The following ENOPH1 variants were observed in gnomAD, a reference collection of about 807,000 sequenced individuals.
The protein encoded by ENOPH1 is enolase-phosphatase E1.
In ENOPH1, 14 loss-of-function variants were observed where a neutral mutation model predicts 31.1. The observed-to-expected ratio is 0.45, with a 90% CI of 0.30 to 0.70. The LOEUF (loss-of-function observed/expected upper bound fraction) is 0.70. Ranked by LOEUF, ENOPH1 falls within the 30% of genes least tolerant of loss-of-function variation. The pLI is 0.09. For missense variants in ENOPH1, 243 were observed against 321.5 expected (o/e 0.76, Z 1.87); for synonymous variants, 127 against 123.2 (o/e 1.03, Z -0.21).
At position 82,430,687 on chromosome 4, in the gene ENOPH1, C is replaced by T. The variant is rs1048200525; in HGVS notation, c.-143C>T. 11 of 679,260 alleles carry T rather than the reference C, an allele frequency of 1.6e-5. No individual in the cohort carries two copies. The highest frequency in any genetic ancestry group is 3.6e-5 in the African/African-American group (2 of 55,326). 42.1% of individuals were successfully genotyped at this position (679,260 alleles called of 1,614,324 possible). A position where few individuals can be genotyped will look rare whatever the true frequency, so the allele number is the denominator to read the frequency against. Reference sequence around the variant, plus strand: ...TGCAGAAGTGTCCTCTCCCCACGCGCGGCGGGCTGCACTTGGTCGCTGGCT... The same window carrying T: ...TGCAGAAGTGTCCTCTCCCCACGCGTGGCGGGCTGCACTTGGTCGCTGGCT... On this transcript the variant is annotated 5_prime_UTR_variant, in exon 1 of 6. Transcript: ENST00000273920.
intron 5 of ENOPH1, among the ~76,000 whole-genome samples, chr4:82,459,262 A>G (rs755950962): frequency 1.3e-5 from 2 of 152,048 alleles, no homozygotes; most frequent in Non-Finnish European, 2.9e-5. Flanking sequence ...TGATTAAACC[A>G]TAGGATTCCA....
At chr4:82,456,215 CTT>C (rs5859824) in intron 4 of ENOPH1, among the ~76,000 whole-genome samples, 2,823 of 138,912 alleles carry the variant, frequency 0.02, 77 homozygotes, top group African/African-American at 0.066. Context: ...CTTAAAATTA[CTT>C]TTTTTTTTTT....
chr4:82,441,413 G>A (rs1355279393), intron 1 of ENOPH1, among the ~76,000 whole-genome samples: 2 of 152,128 alleles, frequency 1.3e-5, no homozygotes, highest in Admixed American at 6.5e-5. Context: ...ACGAGGTCAG[G>A]AGATCGAGAC....
intron 5 of ENOPH1, among the ~76,000 whole-genome samples, chr4:82,459,655 A>G (rs77082566): frequency 0.058 from 8,762 of 152,114 alleles, 350 homozygotes; most frequent in African/African-American, 0.1. Context: ...GAGGAAGTGG[A>G]GGAAAGGTGT....
chr4:82,451,843 A>G (rs1177230054), intron 3 of ENOPH1, among the ~76,000 whole-genome samples: 2 of 151,622 alleles, frequency 1.3e-5, no homozygotes, highest in Admixed American at 1.3e-4. Flanking sequence ...GTGCAGTGGC[A>G]TGATCATGGC....
chr4:82,438,202 T>C (rs186552042), intron 1 of ENOPH1, among the ~76,000 whole-genome samples: 70 of 152,272 alleles, frequency 4.6e-4, no homozygotes, highest in African/African-American at 1.5e-3. Context: ...ATTATAAAAT[T>C]GCAGACAAAG....
intron 5 of ENOPH1, among the ~76,000 whole-genome samples, 178 bp downstream of exon 5, chr4:82,457,216 AAC>A (rs1722513320): frequency 6.6e-6 from 1 of 152,128 alleles, no homozygotes; most frequent in Non-Finnish European, 1.5e-5. Flanking sequence ...AAAAAAAAAA[AAC>A]ACAGCAGTGA....
At chr4:82,431,117 C>T (rs1721742047) in intron 1 of ENOPH1, among the ~76,000 whole-genome samples, 1 of 152,194 alleles carries the variant, frequency 6.6e-6, no homozygotes, top group Admixed American at 6.5e-5. Context: ...CCCTCCCCCG[C>T]CCTTGCGCTT....
Position 82,430,843 on chromosome 4 carries a change from C to T in ENOPH1, c.14C>T (p.Ser5Leu), listed in dbSNP as rs1721723771. 2 of 1,614,032 alleles carry T rather than the reference C, an allele frequency of 1.2e-6. No homozygotes were observed. The highest frequency in any genetic ancestry group is 1.1e-5 in the South Asian group (1 of 91,088). MVVL[S>L]VPAEVTVILL... ...TCCGGTAGGGAAATGGTCGTGCTTTCGGTCCCCGCCGAAGTCACCGTGATC... is the reference window on the plus strand; with the variant it reads ...TCCGGTAGGGAAATGGTCGTGCTTTTGGTCCCCGCCGAAGTCACCGTGATC... Residue 5 changes from serine to leucine, a missense_variant, in exon 1 of 6, where the codon TCG becomes TTG. Coordinates refer to ENST00000273920, the MANE Select transcript of ENOPH1 (RefSeq NM_021204.5).
chr4:82,436,877 C>T (rs1721918365), intron 1 of ENOPH1, among the ~76,000 whole-genome samples: 1 of 152,088 alleles, frequency 6.6e-6, no homozygotes, highest in African/African-American at 2.4e-5. Flanking sequence ...TCATCCTGCT[C>T]TCACACAGAA....
intron 5 of ENOPH1, 66 bp from the exon 6 acceptor site, chr4:82,459,915 T>C: frequency 6.3e-7 from 1 of 1,581,220 alleles, no homozygotes; most frequent in East Asian, 2.2e-5. Flanking sequence ...CTGCTGACTT[T>C]GCTGCAAATC....
intron 1 of ENOPH1, among the ~76,000 whole-genome samples, chr4:82,447,353 GTTTGT>G (rs141021015): frequency 0.016 from 2,426 of 152,226 alleles, 63 homozygotes; most frequent in African/African-American, 0.055. Context: ...TGGTGATCAA[GTTTGT>G]TTTGTTTTTT....
At chr4:82,442,406 G>A (rs111998641) in intron 1 of ENOPH1, among the ~76,000 whole-genome samples, 6 of 152,284 alleles carry the variant, frequency 3.9e-5, no homozygotes, top group African/African-American at 1.4e-4. Flanking sequence ...TGTAATCCCA[G>A]CTACTCAGGA....
At chr4:82,443,601 G>A (rs1199367753) in intron 1 of ENOPH1, among the ~76,000 whole-genome samples, 3 of 148,880 alleles carry the variant, frequency 2.0e-5, no homozygotes, top group Non-Finnish European at 3.0e-5. Flanking sequence ...GGTGGCGGGC[G>A]CCTGAAGTCC....
chr4:82,450,448 C>A (rs867217697), intron 2 of ENOPH1, among the ~76,000 whole-genome samples: 4 of 152,138 alleles, frequency 2.6e-5, no homozygotes, highest in Non-Finnish European at 5.9e-5. Flanking sequence ...GTTGTCAAAA[C>A]CTTGTTGAAA....
chr4:82,438,798 A>G (rs997045897), intron 1 of ENOPH1, among the ~76,000 whole-genome samples: 20 of 152,306 alleles, frequency 1.3e-4, no homozygotes, highest in African/African-American at 4.1e-4. Flanking sequence ...AAAAGTGCTT[A>G]CTTCTTCTTT....
intron 1 of ENOPH1, among the ~76,000 whole-genome samples, chr4:82,436,377 G>A (rs952266878): frequency 1.3e-5 from 2 of 152,082 alleles, no homozygotes; most frequent in Admixed American, 6.6e-5. Flanking sequence ...ACTGTCTTGC[G>A]TATATCAAGA....
intron 5 of ENOPH1, among the ~76,000 whole-genome samples, chr4:82,457,786 A>T (rs1239385562): frequency 6.6e-6 from 1 of 152,234 alleles, no homozygotes; most frequent in Non-Finnish European, 1.5e-5. Flanking sequence ...CCTTTGCTCT[A>T]TCTCAATATT....
chr4:82,451,567 C>G (rs1044260782), intron 3 of ENOPH1, among the ~76,000 whole-genome samples: 2 of 152,188 alleles, frequency 1.3e-5, no homozygotes, highest in Non-Finnish European at 2.9e-5. Flanking sequence ...TGAGTGACAG[C>G]TCCGTTGGGC....
Sources: allele counts gnomAD v4.1 joint callset (sites outside exome capture counted in the v4.1 genomes callset), GRCh38; gene constraint gnomAD v4.1.1; transcripts MANE v1.5; gene names NCBI Gene and HGNC (gene_info 2026-07-23, HGNC 2026-07-21).